The following CPB2 variants were observed in gnomAD, a reference collection of about 807,000 sequenced individuals.
The protein encoded by CPB2 is carboxypeptidase B-like protein.
A neutral mutation model predicts 57.0 loss-of-function variants in CPB2; 54 were observed. That is an observed-to-expected ratio of 0.95 (90% CI 0.76 to 1.19). The LOEUF is 1.19. Among genes scored for constraint, CPB2 ranks in the 50% most tolerant of loss-of-function variants. The pLI, the probability that CPB2 is intolerant of heterozygous loss-of-function variation, is 0.00. For missense variants in CPB2, 426 were observed against 512.0 expected (o/e 0.83, Z 1.62); for synonymous variants, 189 against 178.1 (o/e 1.06, Z -0.49).
intron 1 of CPB2, chr13:46,100,776 T>A (rs560307325): frequency 2.6e-5 from 4 of 152,242 alleles, no homozygotes; most frequent in Middle Eastern, 3.4e-3. Flanking sequence ...GGATGGAAGG[T>A]TCTCAACAAC....
rs745915460 is a variant in CPB2, at chr13:46,104,945, G to A, written c.65C>T (p.Ala22Val). ...GATTCTATTGGGTTACCTCTGAAAC[G>A]CGAAGACATGCTGCTCACAGAAGAG... ...IVLFCEQHVF[A>V]FQSGQVLAAL... Residue 22 changes from alanine (A) to valine (V), a missense_variant, in exon 1 of 11, where the codon GCG (alanine) becomes GTG (valine). Transcript: ENST00000181383. The A allele has an allele frequency of 1.9e-5, 30 of 1,613,838 alleles. No individual in the cohort carries two copies. Among genetic ancestry groups the A allele is most frequent in the African/African-American group, 4.0e-5 (3 of 74,900 alleles).
At chr13:46,090,573 A>AGGCT (rs2045277527) in intron 1 of CPB2, among the ~76,000 whole-genome samples, 1 of 151,632 alleles carries the variant, frequency 6.6e-6, no homozygotes, top group South Asian at 2.1e-4. Context: ...CATGTTAGTC[A>AGGCT]GGCTGGTCTC....
At chr13:46,074,036 C>T in intron 5 of CPB2, 59 bp from the exon 6 acceptor site, 1 of 983,928 alleles carries the variant, frequency 1.0e-6, no homozygotes, top group Non-Finnish European at 1.6e-6. Flanking sequence ...AGGATAATAA[C>T]TTTCATTTAT....
chr13:46,090,605 A>T (rs911970641), intron 1 of CPB2, among the ~76,000 whole-genome samples: 4 of 144,924 alleles, frequency 2.8e-5, no homozygotes, highest in South Asian at 2.2e-4. Flanking sequence ...CCCGTGATCC[A>T]CCCGCCTCAG....
intron 8 of CPB2, among the ~76,000 whole-genome samples, chr13:46,059,939 T>C (rs1191936226): frequency 6.6e-6 from 1 of 152,226 alleles, no homozygotes; most frequent in Admixed American, 6.5e-5. Context: ...ATAAGGTGAT[T>C]GGATAAACCA....
intron 5 of CPB2, among the ~76,000 whole-genome samples, chr13:46,076,650 A>G (rs1190537975): frequency 6.6e-6 from 1 of 152,186 alleles, no homozygotes; most frequent in Non-Finnish European, 1.5e-5. Flanking sequence ...ATATGGAGCC[A>G]TAAGAGATCT....
intron 2 of CPB2, among the ~76,000 whole-genome samples, chr13:46,084,649 A>G (rs897254180): frequency 6.6e-6 from 1 of 152,128 alleles, no homozygotes; most frequent in East Asian, 1.9e-4. Context: ...TAACTGTAAA[A>G]TTGCATGTGT....
At chr13:46,070,766 A>ATATG (rs1308427226) in intron 6 of CPB2, among the ~76,000 whole-genome samples, 1 of 152,230 alleles carries the variant, frequency 6.6e-6, no homozygotes, top group Non-Finnish European at 1.5e-5. Context: ...CAATCTCTAT[A>ATATG]TATGTATGTA....
At chr13:46,100,141 A>G (rs567161443) in intron 1 of CPB2, 22 of 152,202 alleles carry the variant, frequency 1.4e-4, no homozygotes, top group African/African-American at 5.1e-4. Context: ...AAGCAGAGAA[A>G]GAAAGAAAAT....
At position 46,053,778 on chromosome 13, in the gene CPB2, C is replaced by T. The variant is rs1170601723; in HGVS notation, c.1108G>A (p.Asp370Asn). The change falls in exon 11 of 11, where the codon GAC becomes AAC. Residue 370 changes from aspartate (D) to asparagine (N), a missense_variant. Transcript: ENST00000181383. ...ETLYLAPGGGDDWIYDLGIKY... is the reference protein window; with the variant it reads ...ETLYLAPGGGNDWIYDLGIKY... ...ATGCCCAAATCATAGATCCAATCGT[C>T]CCCACCTCCAGGAGCTAGGTCTAAA... is the stretch of plus-strand genomic sequence containing the variant. 6.2e-7 allele frequency: 1 copy of T among 1,613,922 alleles called. No homozygotes were observed. Among genetic ancestry groups the T allele is most frequent in the African/African-American group, 1.3e-5 (1 of 75,030 alleles).
rs1374712008 is a variant in CPB2, at chr13:46,084,249, G to A, written c.245C>T (p.Ala82Val). ...TGGAATTCCGCTCACATTTAAATGGGCTTTCACATTGTCGACATCAGATGC... is the reference window on the plus strand; with the variant it reads ...TGGAATTCCGCTCACATTTAAATGGACTTTCACATTGTCGACATCAGATGC... ...VNASDVDNVK[A>V]HLNVSGIPCS... Residue 82 changes from alanine (A) to valine (V), a missense_variant, in exon 3 of 11, where the codon GCC (alanine) becomes GTC (valine). By Grantham distance (64) the Ala-to-Val change is moderately conservative. Transcript: ENST00000181383. 1 of 1,614,104 alleles carries A rather than the reference G, an allele frequency of 6.2e-7. No homozygotes were observed. The highest frequency in any genetic ancestry group is 1.3e-5 in the African/African-American group (1 of 75,002).
chr13:46,068,632 A>G (rs9567610), intron 6 of CPB2, among the ~76,000 whole-genome samples: 1 of 151,350 alleles, frequency 6.6e-6, no homozygotes, highest in African/African-American at 2.4e-5. Flanking sequence ...CACGGTGGTT[A>G]GCTGCACCCA....
At chr13:46,067,670 A>T (rs2044877041) in intron 6 of CPB2, among the ~76,000 whole-genome samples, 1 of 152,164 alleles carries the variant, frequency 6.6e-6, no homozygotes, top group South Asian at 2.1e-4. Context: ...AATTTTCCTT[A>T]AAAAATAAAA....
chr13:46,059,639 A>G (rs994129811), intron 8 of CPB2, among the ~76,000 whole-genome samples: 1 of 152,000 alleles, frequency 6.6e-6, no homozygotes, highest in African/African-American at 2.4e-5. Flanking sequence ...GAGACCTGAA[A>G]GAAGCCAGTG....
At chr13:46,090,711 T>C (rs547615340) in intron 1 of CPB2, among the ~76,000 whole-genome samples, 1 of 137,874 alleles carries the variant, frequency 7.3e-6, no homozygotes, top group East Asian at 2.2e-4. Context: ...ATTTTATCCA[T>C]AAAGATGTTG....
At chr13:46,067,769 A>G (rs1593890372) in intron 6 of CPB2, among the ~76,000 whole-genome samples, 3 of 152,356 alleles carry the variant, frequency 2.0e-5, no homozygotes, top group East Asian at 1.9e-4. Context: ...TCTGTAATTC[A>G]TGTTCATCAG....
chr13:46,068,943 A>T (rs1327032053), intron 6 of CPB2, among the ~76,000 whole-genome samples: 1 of 152,250 alleles, frequency 6.6e-6, no homozygotes, highest in African/African-American at 2.4e-5. Flanking sequence ...TGTAGCATTC[A>T]TTATTAGAAA....
chr13:46,078,738 A>G (rs560663394), intron 5 of CPB2, 62 bp downstream of exon 5: 3 of 1,085,796 alleles, frequency 2.8e-6, no homozygotes, highest in South Asian at 2.6e-5. Context: ...TTTAACAAAC[A>G]CGACTGGAGA....
At chr13:46,060,981 C>A (rs1316195745) in intron 8 of CPB2, among the ~76,000 whole-genome samples, 1 of 151,978 alleles carries the variant, frequency 6.6e-6, no homozygotes. Flanking sequence ...CTATAATAGG[C>A]AAATTCATAG....
Sources: gnomAD v4.1 joint callset for allele counts (sites outside exome capture counted in the v4.1 genomes callset) on GRCh38, gnomAD v4.1.1 for gene constraint, MANE v1.5 for transcripts, NCBI Gene and HGNC (gene_info 2026-07-23, HGNC 2026-07-21) for gene names.